Variants in NFKB1 observed in about 807,000 individuals in gnomAD.
NFKB1 encodes nuclear factor NF-kappa-B p105 subunit.
In NFKB1, 9 loss-of-function variants were observed where a neutral mutation model predicts 105.1. The observed-to-expected ratio is 0.09, with a 90% confidence interval of 0.05 to 0.15. NFKB1 has a LOEUF of 0.15. NFKB1 is among the 10% of genes least tolerant of loss of function. The pLI, the probability that NFKB1 is intolerant of heterozygous loss-of-function variation, is 1.00. For synonymous variants in NFKB1, 440 were observed against 442.2 expected, an observed-to-expected ratio of 1.00 and a Z score of 0.06; for missense variants, 830 against 1,203.7, an observed-to-expected ratio of 0.69 and a Z score of 4.59.
chr4:102,514,830 T>C (rs1303753178), intron 1 of NFKB1, among the ~76,000 whole-genome samples: 1 of 152,168 alleles, frequency 6.6e-6, no homozygotes, highest in African/African-American at 2.4e-5. Context: ...TTGATTCTTA[T>C]ATGCAATGTT....
intron 12 of NFKB1, among the ~76,000 whole-genome samples, chr4:102,594,071 T>C (rs1726402446): frequency 6.6e-6 from 1 of 152,228 alleles, no homozygotes; most frequent in Non-Finnish European, 1.5e-5. Context: ...ATCATCATTA[T>C]GCATTTTATT....
At chr4:102,514,170 A>G (rs1015900313) in intron 1 of NFKB1, among the ~76,000 whole-genome samples, 2 of 151,614 alleles carry the variant, frequency 1.3e-5, no homozygotes, top group Non-Finnish European at 2.9e-5. Flanking sequence ...GCGAGACTCC[A>G]TCTCAAAAAA....
chr4:102,539,816 C>G (rs1366103046), intron 5 of NFKB1, among the ~76,000 whole-genome samples: 5 of 152,096 alleles, frequency 3.3e-5, no homozygotes, highest in Non-Finnish European at 7.4e-5. Flanking sequence ...CTCACCGAAC[C>G]TCTCAGATAT....
intron 5 of NFKB1, among the ~76,000 whole-genome samples, chr4:102,540,049 T>C (rs145094244): frequency 1.2e-3 from 184 of 152,270 alleles, no homozygotes; most frequent in African/African-American, 4.1e-3. Context: ...TATGTATGTG[T>C]ATATTTGTGA....
intron 11 of NFKB1, among the ~76,000 whole-genome samples, chr4:102,590,357 G>T (rs1473134472): frequency 6.6e-6 from 1 of 152,108 alleles, no homozygotes; most frequent in Non-Finnish European, 1.5e-5. Context: ...CATTTCTCAG[G>T]AATTCCTTAT....
intron 5 of NFKB1, among the ~76,000 whole-genome samples, chr4:102,564,062 T>C (rs1283192807): frequency 6.6e-6 from 1 of 151,774 alleles, no homozygotes; most frequent in Non-Finnish European, 1.5e-5. Flanking sequence ...TCAGGTGATC[T>C]ACCCGTCTCG....
At chr4:102,601,259 A>C (rs142524182) in intron 16 of NFKB1, among the ~76,000 whole-genome samples, 68 of 152,362 alleles carry the variant, frequency 4.5e-4, no homozygotes, top group African/African-American at 1.5e-3. Flanking sequence ...GGCAAACTTT[A>C]AACTTTAGAA....
rs41487649 is a variant in NFKB1 at position 102,607,804 on chromosome 4, C to A, written c.2227+53C>A. ...TGAAAAATGTTACCAGGAATGCAAA[C>A]CCAACTTCAATAGAGCAGTCATGTT... On this transcript the variant is annotated intron_variant, in intron 19 of 23. Coordinates refer to ENST00000226574, the MANE Select transcript of NFKB1 (RefSeq NM_003998.4). 373 of 1,504,524 alleles carry A rather than the reference C, an allele frequency of 2.5e-4. 1 individual carries two copies. The African/African-American group carries it at 4.5e-3, about 18-fold the overall frequency. 93.2% of individuals were successfully genotyped at this position (1,504,524 alleles called of 1,614,324 possible).
intron 5 of NFKB1, among the ~76,000 whole-genome samples, chr4:102,561,265 CT>C (rs551312422): frequency 0.014 from 1,955 of 138,254 alleles, 27 homozygotes; most frequent in African/African-American, 0.042. Flanking sequence ...TCTTTCTTTC[CT>C]TTTTTTTTTT....
chr4:102,532,148 G>C (rs1172017314), intron 3 of NFKB1, among the ~76,000 whole-genome samples: 9 of 152,106 alleles, frequency 5.9e-5, no homozygotes, highest in Non-Finnish European at 1.2e-4. Flanking sequence ...ACAGACAAAA[G>C]ATGGTAATTT....
At position 102,594,972 on chromosome 4, in the gene NFKB1, A is replaced by G. The variant is rs1191100232; in HGVS notation, c.1291A>G (p.Met431Val). Reference protein sequence around the residue: ...HPGTTKSNAGMKHGTMDTESK... With the variant: ...HPGTTKSNAGVKHGTMDTESK... ...TGGAACTACTAAATCTAATGCTGGG[A>G]TGAAGCATGGTAAGTAATGCTTTGT... is the stretch of plus-strand genomic sequence containing the variant. The change falls in exon 13 of 24, where the codon ATG becomes GTG. Residue 431 changes from methionine (M) to valine (V), a missense_variant. By Grantham distance (21) the Met-to-Val change is conservative (BLOSUM62 1). This residue lies in a region of NFKB1 where 163 missense variants were observed against 164.3 expected (regional missense o/e 0.99). Transcript: ENST00000226574. 3 of 1,603,908 alleles carry G rather than the reference A, an allele frequency of 1.9e-6. No homozygotes were observed. Among genetic ancestry groups the G allele is most frequent in the East Asian group, 2.2e-5 (1 of 44,850 alleles).
intron 7 of NFKB1, 55 bp from the exon 8 acceptor site, chr4:102,578,826 C>CTT: frequency 6.4e-7 from 1 of 1,557,188 alleles, no homozygotes; most frequent in Non-Finnish European, 8.8e-7. Flanking sequence ...AAAGCATGGT[C>CTT]TTTTAAATGT....
chr4:102,521,879 AAC>A (rs1740598571), intron 1 of NFKB1, among the ~76,000 whole-genome samples: 1 of 152,228 alleles, frequency 6.6e-6, no homozygotes, highest in South Asian at 2.1e-4. Flanking sequence ...CATGTGAAAA[AAC>A]ACAAGCAATT....
rs1272867507 is a variant in NFKB1, at chr4:102,610,498, G to A, written c.2228-77G>A. 3 of 1,523,174 alleles carry A rather than the reference G, an allele frequency of 2.0e-6. No individual in the cohort carries two copies. In the Admixed American group the frequency reaches 5.3e-5, roughly 27 times the overall value. 94.4% of individuals were successfully genotyped at this position (1,523,174 alleles called of 1,614,324 possible). On this transcript the variant is annotated intron_variant, in intron 19 of 23. Transcript: ENST00000226574. ...CAAGCTGCTACATTGCTTTGCCTTT[G>A]GGAATCTGACCTTTGCAGGCAGTTG...
chr4:102,549,646 A>G (rs918869715), intron 5 of NFKB1, among the ~76,000 whole-genome samples: 5 of 151,984 alleles, frequency 3.3e-5, no homozygotes, highest in African/African-American at 1.2e-4. Context: ...TGACATTGCC[A>G]CTTGGATGTC....
intron 1 of NFKB1, among the ~76,000 whole-genome samples, chr4:102,502,435 T>C (rs1739148855): frequency 8.4e-6 from 1 of 119,734 alleles, no homozygotes; most frequent in Non-Finnish European, 1.6e-5. Flanking sequence ...CACGATATAG[T>C]CACCTGCTAT....
At position 102,607,667 on chromosome 4, in the gene NFKB1, A is replaced by G; in HGVS notation, c.2143A>G (p.Ser715Gly). The G allele has an allele frequency of 6.2e-7, 1 of 1,614,144 alleles. No homozygotes were observed. Among genetic ancestry groups the G allele is most frequent in the South Asian group, 1.1e-5 (1 of 91,084 alleles). ...LLLEGDAHVD[S>G]TTYDGTTPLH... ...ATTGTAGGGTGATGCCCATGTGGAC[A>G]GTACTACCTACGATGGAACCACACC... Residue 715 changes from serine to glycine, a missense_variant, in exon 19 of 24, where the codon AGT becomes GGT. Ser to Gly is a moderately conservative substitution (Grantham distance 56). Transcript: ENST00000226574.
intron 3 of NFKB1, among the ~76,000 whole-genome samples, chr4:102,532,465 A>G (rs1382274939): frequency 6.6e-6 from 1 of 151,938 alleles, no homozygotes; most frequent in African/African-American, 2.4e-5. Flanking sequence ...CGTCTCTACT[A>G]AAAAAATACA....
intron 8 of NFKB1, among the ~76,000 whole-genome samples, 194 bp from the exon 9 acceptor site, chr4:102,580,341 A>G (rs941384599): frequency 6.6e-6 from 1 of 152,188 alleles, no homozygotes; most frequent in African/African-American, 2.4e-5. Flanking sequence ...TGTTTTGGTG[A>G]TCATAAATGA....
Sources: gnomAD v4.1 joint callset for allele counts (sites outside exome capture counted in the v4.1 genomes callset) on GRCh38, gnomAD v4.1.1 for gene constraint, gnomAD v4.1.1 regional missense constraint, MANE v1.5 for transcripts, NCBI Gene and HGNC (gene_info 2026-07-23, HGNC 2026-07-21) for gene names.